The following KCNJ4 variants were observed in gnomAD, a reference collection of about 807,000 sequenced individuals.
KCNJ4 encodes the protein potassium inwardly rectifying channel subfamily J member 4.
KCNJ4 carries 3 observed loss-of-function variants against 25.6 expected under a neutral mutation model. That is an observed-to-expected ratio of 0.12 (90% CI 0.05 to 0.30). KCNJ4 has a LOEUF of 0.30. Ranked by LOEUF, KCNJ4 falls within the 10% of genes least tolerant of loss-of-function variation. KCNJ4 has a pLI of 1.00. For missense variants in KCNJ4, 286 were observed against 666.8 expected (o/e 0.43, Z 6.29); for synonymous variants, 257 against 283.9 (o/e 0.91, Z 0.95).
intron 1 of KCNJ4, among the ~76,000 whole-genome samples, chr22:38,452,226 T>A (rs1432518201): frequency 6.6e-6 from 1 of 152,170 alleles, no homozygotes; most frequent in East Asian, 1.9e-4. Flanking sequence ...TGGCCAGCCG[T>A]TCTCTATACA....
chr22:38,426,703 G>A lies in KCNJ4; in HGVS notation c.*92C>T. Reference sequence around the variant, plus strand: ...CCTCCAGAAGGTCCACGGAGCCAGGGTTGGCTCTGTCCTGAGTGTGGGAGG... The same window carrying A: ...CCTCCAGAAGGTCCACGGAGCCAGGATTGGCTCTGTCCTGAGTGTGGGAGG... On this transcript the variant is annotated 3_prime_UTR_variant, in exon 2 of 2. Coordinates refer to ENST00000303592, the MANE Select transcript of KCNJ4 (RefSeq NM_152868.3). 13 of 1,451,120 alleles carry A rather than the reference G, an allele frequency of 9.0e-6. No individual in the cohort carries two copies. The highest frequency in any genetic ancestry group is 1.2e-5 in the Non-Finnish European group (13 of 1,074,042). 89.9% of individuals were successfully genotyped at this position (1,451,120 alleles called of 1,614,324 possible).
intron 1 of KCNJ4, among the ~76,000 whole-genome samples, chr22:38,439,498 C>T (rs982402001): frequency 5.3e-5 from 8 of 151,778 alleles, no homozygotes; most frequent in South Asian, 2.1e-4. Context: ...ACATTCCGGC[C>T]GGGCATGGTG....
rs550031439 is a variant in KCNJ4 at position 38,430,793 on chromosome 22, G to A, written c.-39-2622C>T. Among the ~76,000 whole-genome samples the A allele has an allele frequency of 1.4e-4, 22 of 152,296 alleles. No homozygotes were observed. In the East Asian group the frequency reaches 2.9e-3, roughly 20 times the overall value. ...TGCCTGAAATGGCTCCAGGGGCACC[G>A]CGGACTGTCAGGACAGGAGGAGCAT... On this transcript the variant is annotated intron_variant, in intron 1 of 1. Transcript: ENST00000303592.
rs866495726 is a variant in KCNJ4, at chr22:38,443,252, A to T, written c.-40+11728T>A. The stretch of plus-strand genomic sequence containing the variant: ...TGCCTCTGGCCTCTCCATGACCCAC[A>T]CCGTGCAGTGCCCAGCTCCGCCATC... On this transcript the variant is annotated intron_variant, in intron 1 of 1. Transcript: ENST00000303592. The surrounding 1 kb of genome is among the most constrained non-coding windows in gnomAD (Gnocchi z 4.1). 6.6e-6 allele frequency among the ~76,000 whole-genome samples: 1 copy of T among 151,456 alleles called. No homozygotes were observed. Among genetic ancestry groups the T allele is most frequent in the Admixed American group, 6.6e-5 (1 of 15,180 alleles).
intron 1 of KCNJ4, among the ~76,000 whole-genome samples, chr22:38,447,429 TC>T (rs2089382606): frequency 6.6e-6 from 1 of 152,104 alleles, no homozygotes; most frequent in Non-Finnish European, 1.5e-5. Flanking sequence ...CCAGGGCCTC[TC>T]CAGCCTGTGC....
intron 1 of KCNJ4, among the ~76,000 whole-genome samples, chr22:38,448,246 TAA>T (rs74267860): frequency 2.3e-4 from 26 of 112,830 alleles, no homozygotes; most frequent in Admixed American, 2.8e-4. Flanking sequence ...AACTCCGTCT[TAA>T]AAAAAAAAAA....
At position 38,449,284 on chromosome 22, in the gene KCNJ4, G is replaced by A. The variant is rs2089396121; in HGVS notation, c.-40+5696C>T. 6.6e-6 allele frequency among the ~76,000 whole-genome samples: 1 copy of A among 152,208 alleles called. No individual in the cohort carries two copies. The highest frequency in any genetic ancestry group is 6.5e-5 in the Admixed American group (1 of 15,286). On this transcript the variant is annotated intron_variant, in intron 1 of 1. Coordinates refer to ENST00000303592, the MANE Select transcript of KCNJ4 (RefSeq NM_152868.3). The surrounding 1 kb of genome is among the most constrained non-coding windows in gnomAD (Gnocchi z 5.2). ...GGGTGCACAGTAGGACAAAGCATCT[G>A]TGGCTGTTTCCACCCAGGAGCCTGG...
chr22:38,441,612 G>C (rs2089334561), intron 1 of KCNJ4, among the ~76,000 whole-genome samples: 1 of 152,148 alleles, frequency 6.6e-6, no homozygotes, highest in Admixed American at 6.5e-5. Context: ...GATTTCTCTG[G>C]GATGCTCGGC....
chr22:38,448,108 T>C lies in KCNJ4; in HGVS notation c.-40+6872A>G, dbSNP rs11913341. ...AAGAAAAGAAAAAAGTAGCCGGGCA[T>C]GGTGGCGCATGCCTGTAGTCCCAGC... On this transcript the variant is annotated intron_variant, in intron 1 of 1. Transcript: ENST00000303592. Among the ~76,000 whole-genome samples, 481 of 148,050 alleles carry C rather than the reference T, an allele frequency of 3.2e-3. 1 individual carries two copies. The highest frequency in any genetic ancestry group is 0.011 in the African/African-American group (450 of 40,146).
chr22:38,452,626 G>A (rs964103454), intron 1 of KCNJ4, among the ~76,000 whole-genome samples: 1 of 152,164 alleles, frequency 6.6e-6, no homozygotes, highest in Non-Finnish European at 1.5e-5. Flanking sequence ...AGAGACGACA[G>A]ATTGCGTGAG....
intron 1 of KCNJ4, among the ~76,000 whole-genome samples, chr22:38,439,528 G>C (rs143693411): frequency 6.6e-6 from 1 of 152,254 alleles, no homozygotes; most frequent in East Asian, 1.9e-4. Flanking sequence ...TGTAATCCCG[G>C]CACTTTGGGA....
rs1569117881 is a variant in KCNJ4, at chr22:38,427,552, G to A, written c.581C>T (p.Ser194Leu). The A allele has an allele frequency of 6.2e-7, 1 of 1,611,018 alleles. No homozygotes were observed. The highest frequency in any genetic ancestry group is 8.5e-7 in the Non-Finnish European group (1 of 1,178,080). ...GAGGCAGAGCTTGCCGTCGCGCACC[G>A]AAATGACCGCGTGGTGGCTGAACAG... ...TLLFSHHAVI[S>L]VRDGKLCLMW... The change falls in exon 2 of 2, where the codon TCG (serine) becomes TTG (leucine). Residue 194 changes from serine (S) to leucine (L), a missense_variant. Ser to Leu is a moderately radical substitution (Grantham distance 145, BLOSUM62 -2). This residue lies in a region of KCNJ4 where 15 missense variants were observed against 29.9 expected (regional missense o/e 0.50). Coordinates refer to ENST00000303592, the MANE Select transcript of KCNJ4 (RefSeq NM_152868.3).
chr22:38,453,632 G>A, intron 1 of KCNJ4, among the ~76,000 whole-genome samples: 1 of 152,170 alleles, frequency 6.6e-6, no homozygotes. Context: ...GGCCCGCCTT[G>A]GAGGTCACTG....
At chr22:38,451,865 A>G (rs1182660713) in intron 1 of KCNJ4, among the ~76,000 whole-genome samples, 5 of 152,196 alleles carry the variant, frequency 3.3e-5, no homozygotes, top group African/African-American at 9.7e-5. Context: ...TTGTAAAACG[A>G]AGGCATCAGA....
chr22:38,450,692 ACT>A (rs1213375913), intron 1 of KCNJ4, among the ~76,000 whole-genome samples: 3 of 150,922 alleles, frequency 2.0e-5, no homozygotes, highest in African/African-American at 7.3e-5. Flanking sequence ...CCCTAATCTA[ACT>A]CTCTGGGCAC....
At chr22:38,445,953 A>C (rs1221474645) in intron 1 of KCNJ4, among the ~76,000 whole-genome samples, 1 of 152,140 alleles carries the variant, frequency 6.6e-6, no homozygotes, top group Non-Finnish European at 1.5e-5. Context: ...GAATACTGGG[A>C]AAAGTCTGTT....
intron 1 of KCNJ4, among the ~76,000 whole-genome samples, chr22:38,431,939 C>G (rs1243485470): frequency 1.3e-5 from 2 of 150,100 alleles, no homozygotes; most frequent in African/African-American, 5.0e-5. Flanking sequence ...CCATCCTCCT[C>G]TGACTAGAGA....
At chr22:38,435,860 C>A (rs2093064043) in intron 1 of KCNJ4, among the ~76,000 whole-genome samples, 1 of 152,100 alleles carries the variant, frequency 6.6e-6, no homozygotes, top group South Asian at 2.1e-4. Flanking sequence ...GAAGAGAACT[C>A]AAGACCCCAG....
chr22:38,454,821 G>A (rs1395463653), intron 1 of KCNJ4, among the ~76,000 whole-genome samples, 159 bp downstream of exon 1: 2 of 151,886 alleles, frequency 1.3e-5, no homozygotes, highest in Non-Finnish European at 2.9e-5. Context: ...CCGCTCCCGG[G>A]GAGTCACGGG....
Sources: gnomAD v4.1 joint callset for allele counts (sites outside exome capture counted in the v4.1 genomes callset) on GRCh38, gnomAD v4.1.1 for gene constraint, gnomAD v4.1.1 regional missense constraint, Gnocchi (gnomAD v3.1) non-coding constraint, MANE v1.5 for transcripts, NCBI Gene and HGNC (gene_info 2026-07-23, HGNC 2026-07-21) for gene names.